Variants in CSMD1 observed in about 807,000 individuals in gnomAD.
The protein encoded by CSMD1 is CUB and sushi domain-containing protein 1.
In CSMD1, 213 loss-of-function variants were observed where a neutral mutation model predicts 417.5. The observed-to-expected ratio is 0.51, with a 90% confidence interval of 0.46 to 0.57. The LOEUF (loss-of-function observed/expected upper bound fraction) is 0.57, where lower values mean the gene tolerates loss of function less well. CSMD1 is among the 20% of genes least tolerant of loss of function. The pLI, the probability that CSMD1 is intolerant of heterozygous loss-of-function variation, is 0.00. For synonymous variants in CSMD1, 2,862 were observed against 1,736.8 expected, an observed-to-expected ratio of 1.65 and a Z score of -16.11; for missense variants, 6,923 against 4,529.7, an observed-to-expected ratio of 1.53 and a Z score of -15.17.
At chr8:3,135,648 T>A (rs1818035087) in intron 41 of CSMD1, among the ~76,000 whole-genome samples, 1 of 150,034 alleles carries the variant, frequency 6.7e-6, no homozygotes, top group Non-Finnish European at 1.5e-5. Context: ...TGATCACATT[T>A]CTGACTCTGT....
Position 3,446,078 on chromosome 8 carries a change from C to T in CSMD1, c.1561+22634G>A, listed in dbSNP as rs181900107. 2.0e-5 allele frequency among the ~76,000 whole-genome samples: 3 copies of T among 152,056 alleles called. No individual in the cohort carries two copies. In the South Asian group the frequency reaches 6.2e-4, roughly 32 times the overall value. On this transcript the variant is annotated intron_variant, in intron 12 of 69. Coordinates refer to ENST00000635120, the MANE Select transcript of CSMD1 (RefSeq NM_033225.6). ...GAAGGTGAACAGTCTGGAAAGATAA[C>T]AGTAAAGTTGAAATGGACTAAAAAC... is the stretch of plus-strand genomic sequence containing the variant.
intron 1 of CSMD1, among the ~76,000 whole-genome samples, chr8:4,937,159 G>C (rs1807674972): frequency 6.6e-6 from 1 of 152,150 alleles, no homozygotes; most frequent in Non-Finnish European, 1.5e-5. Flanking sequence ...GCTGCAGTGA[G>C]CTCTGATCCT....
intron 5 of CSMD1, among the ~76,000 whole-genome samples, chr8:3,870,058 G>A (rs1035005356): frequency 1.3e-5 from 2 of 152,102 alleles, no homozygotes. Context: ...TTAACTGTAA[G>A]CATACCCTCT....
chr8:3,051,939 G>C (rs1183622762), intron 50 of CSMD1, among the ~76,000 whole-genome samples: 1 of 152,098 alleles, frequency 6.6e-6, no homozygotes, highest in Non-Finnish European at 1.5e-5. Context: ...ACTGTAAATA[G>C]CTTTCTCGAA....
At chr8:4,823,398 A>G (rs984871864) in intron 1 of CSMD1, among the ~76,000 whole-genome samples, 7 of 152,106 alleles carry the variant, frequency 4.6e-5, no homozygotes, top group African/African-American at 1.4e-4. Flanking sequence ...AAAGTAGTTC[A>G]TTAACTTTTC....
At chr8:3,662,270 T>G (rs1475536342) in intron 7 of CSMD1, among the ~76,000 whole-genome samples, 1 of 152,210 alleles carries the variant, frequency 6.6e-6, no homozygotes, top group Non-Finnish European at 1.5e-5. Context: ...GCATTTTTAT[T>G]TTCTTTCTCA....
chr8:3,249,071 T>G (rs908082721), intron 26 of CSMD1, among the ~76,000 whole-genome samples: 1 of 152,118 alleles, frequency 6.6e-6, no homozygotes, highest in Non-Finnish European at 1.5e-5. Context: ...TACAGTGGGT[T>G]CTCAAAAAAT....
intron 3 of CSMD1, among the ~76,000 whole-genome samples, chr8:4,208,804 G>T (rs1311848816): frequency 6.6e-6 from 1 of 152,194 alleles, no homozygotes; most frequent in Non-Finnish European, 1.5e-5. Flanking sequence ...CTAGAAAACT[G>T]TCCGGTTTTA....
chr8:4,371,175 A>G (rs141795498), intron 3 of CSMD1, among the ~76,000 whole-genome samples: 2 of 152,074 alleles, frequency 1.3e-5, no homozygotes, highest in African/African-American at 4.8e-5. Context: ...TTATTTCTGG[A>G]TACTTTAGGG....
At chr8:3,834,184 A>T (rs193261795) in intron 5 of CSMD1, among the ~76,000 whole-genome samples, 133 of 152,046 alleles carry the variant, frequency 8.7e-4, no homozygotes, top group Non-Finnish European at 1.6e-3. Flanking sequence ...CTATTCTATC[A>T]ACAGTTATTT....
intron 7 of CSMD1, among the ~76,000 whole-genome samples, chr8:3,656,242 A>T (rs2117417414): frequency 6.6e-6 from 1 of 152,312 alleles, no homozygotes; most frequent in East Asian, 1.9e-4. Context: ...GGACCCAGGT[A>T]AACAGGAAGG....
intron 3 of CSMD1, among the ~76,000 whole-genome samples, chr8:4,206,697 C>G (rs561581300): frequency 6.6e-6 from 1 of 152,098 alleles, no homozygotes; most frequent in African/African-American, 2.4e-5. Flanking sequence ...TGGGTATATA[C>G]CCTGTAATGG....
intron 41 of CSMD1, among the ~76,000 whole-genome samples, chr8:3,122,057 T>A (rs897039064): frequency 1.8e-4 from 27 of 152,156 alleles, no homozygotes; most frequent in Admixed American, 1.6e-3. Flanking sequence ...TACACCAACC[T>A]AATGTATATC....
intron 1 of CSMD1, among the ~76,000 whole-genome samples, chr8:4,935,668 G>A (rs1305992145): frequency 6.6e-6 from 1 of 152,186 alleles, no homozygotes; most frequent in Non-Finnish European, 1.5e-5. Context: ...TGTAACTAAA[G>A]AAACGAGTTT....
At chr8:4,143,180 G>A (rs1165039262) in intron 3 of CSMD1, among the ~76,000 whole-genome samples, 1 of 151,072 alleles carries the variant, frequency 6.6e-6, no homozygotes. Context: ...GTTCAAAACA[G>A]GTAAGTGCTG....
chr8:4,721,534 T>C (rs756425897), intron 1 of CSMD1, among the ~76,000 whole-genome samples: 8 of 152,202 alleles, frequency 5.3e-5, no homozygotes, highest in African/African-American at 1.4e-4. Context: ...TCTGTTAGTA[T>C]GGCTATTATC....
chr8:2,942,668 TA>T (rs1422169986), intron 68 of CSMD1, 64 bp from the exon 69 acceptor site: 1 of 1,259,842 alleles, frequency 7.9e-7, no homozygotes, highest in African/African-American at 1.5e-5. Context: ...ATACATATGA[TA>T]AATTTTGTAA....
chr8:4,270,590 G>T (rs958471661), intron 3 of CSMD1, among the ~76,000 whole-genome samples: 2 of 152,074 alleles, frequency 1.3e-5, no homozygotes, highest in Admixed American at 1.3e-4. Flanking sequence ...TTTATAGCCC[G>T]ACTTCCTGTT....
intron 1 of CSMD1, among the ~76,000 whole-genome samples, chr8:4,861,100 G>T (rs1446887623): frequency 6.6e-6 from 1 of 152,060 alleles, no homozygotes; most frequent in African/African-American, 2.4e-5. Context: ...ATTTTTAGGG[G>T]CCAGAAATGT....
Sources: allele counts gnomAD v4.1 joint callset (sites outside exome capture counted in the v4.1 genomes callset), GRCh38; gene constraint gnomAD v4.1.1; transcripts MANE v1.5; gene names NCBI Gene and HGNC (gene_info 2026-07-23, HGNC 2026-07-21).